SLC35F4: variants seen among roughly 807,000 people sequenced by gnomAD.
SLC35F4 encodes solute carrier family 35 member F4.
Under a neutral mutation model 44.2 loss-of-function variants are expected in SLC35F4, and 24 were observed. The observed-to-expected ratio is 0.54, with a 90% CI of 0.39 to 0.76. The LOEUF (loss-of-function observed/expected upper bound fraction) is 0.76, where lower values mean the gene tolerates loss of function less well. Among genes scored for constraint, SLC35F4 ranks in the 30% least tolerant of loss-of-function variants. The pLI, the probability that SLC35F4 is intolerant of heterozygous loss-of-function variation, is 0.00. For missense variants in SLC35F4, 562 were observed against 586.1 expected, an observed-to-expected ratio of 0.96 and a Z score of 0.42; for synonymous variants, 238 against 223.6, an observed-to-expected ratio of 1.06 and a Z score of -0.57.
upstream of SLC35F4, among the ~76,000 whole-genome samples, chr14:57,871,063 T>G (rs1231083905): frequency 6.6e-6 from 1 of 152,224 alleles, no homozygotes; most frequent in African/African-American, 2.4e-5. Context: ...ACTCAGGTCC[T>G]GCTTGGTGAA....
In SLC35F4 at chr14:57,896,746, G is replaced by A. The variant is rs72624742; in HGVS notation, n.282+85167C>T. On this transcript the variant is annotated intron_variant and non_coding_transcript_variant, in intron 1 of 1. Transcript: ENST00000556568. Reference sequence around the variant, plus strand: ...AAAAATGAGTTAATGCCTGTAAAGTGTTTAGCACAGTGCCAGGAATATAGT... The same window carrying A: ...AAAAATGAGTTAATGCCTGTAAAGTATTTAGCACAGTGCCAGGAATATAGT... Among the ~76,000 whole-genome samples the A allele has an allele frequency of 0.023, 3,473 of 152,256 alleles. 432 individuals carry two copies. The East Asian group carries it at 0.39, about 17-fold the overall frequency.
At chr14:57,972,072 G>C (rs1476967447), downstream of SLC35F4, among the ~76,000 whole-genome samples, 1 of 151,658 alleles carries the variant, frequency 6.6e-6, no homozygotes, top group African/African-American at 2.4e-5. Context: ...ACAGGCAAAG[G>C]AAACAGCATG....
At chr14:57,760,481 C>A (rs115440935) in intron 1 of SLC35F4, among the ~76,000 whole-genome samples, 1 of 152,126 alleles carries the variant, frequency 6.6e-6, no homozygotes, top group Non-Finnish European at 1.5e-5. Flanking sequence ...CAGCTTTGTT[C>A]TGGCTATCCA....
intron 3 of SLC35F4, 120 bp from the exon 4 acceptor site, chr14:57,581,553 G>A: frequency 1.1e-6 from 1 of 870,648 alleles, no homozygotes; most frequent in South Asian, 1.8e-5. Context: ...CCTTCATTGT[G>A]AAGTATACTG....
Position 57,673,899 on chromosome 14 carries a change from T to A in SLC35F4, c.104-79775A>T, listed in dbSNP as rs971530578. Among the ~76,000 whole-genome samples, 4 of 152,030 alleles carry A rather than the reference T, an allele frequency of 2.6e-5. No homozygotes were observed. In the South Asian group the frequency reaches 8.3e-4, roughly 31 times the overall value. Reference sequence around the variant, plus strand: ...TAAGACTACTAATCTAACAAAGCACTGTTATCAAGGATTTAACAAAGAATA... The same window carrying A: ...TAAGACTACTAATCTAACAAAGCACAGTTATCAAGGATTTAACAAAGAATA... On this transcript the variant is annotated intron_variant, in intron 1 of 7. Coordinates refer to ENST00000556826, the MANE Select transcript of SLC35F4 (RefSeq NM_001306087.2).
chr14:57,748,826 T>C (rs1489931882), intron 1 of SLC35F4, among the ~76,000 whole-genome samples: 1 of 152,192 alleles, frequency 6.6e-6, no homozygotes, highest in African/African-American at 2.4e-5. Flanking sequence ...GCCATGTGTA[T>C]AGCTGCATAT....
chr14:57,574,074 C>T (rs1027980790), intron 4 of SLC35F4, among the ~76,000 whole-genome samples: 1 of 152,092 alleles, frequency 6.6e-6, no homozygotes, highest in Non-Finnish European at 1.5e-5. Context: ...AATTAAAAAA[C>T]CCCAAAGCAC....
intron 1 of SLC35F4, among the ~76,000 whole-genome samples, chr14:57,907,348 T>C (rs981900095): frequency 2.0e-5 from 3 of 152,176 alleles, no homozygotes; most frequent in Non-Finnish European, 4.4e-5. Context: ...CATTAAAATG[T>C]TGACTTTGTT....
Position 57,964,199 on chromosome 14 carries a change from G to A in SLC35F4, n.282+17714C>T, listed in dbSNP as rs531811917. On this transcript the variant is annotated intron_variant and non_coding_transcript_variant, in intron 1 of 1. Coordinates refer to the SLC35F4 transcript ENST00000556568. The stretch of plus-strand genomic sequence containing the variant: ...GGAGGAAAGAGCCATGAGGAAGAAA[G>A]AGAGGAAGCTAGCTTGGCTAGCTAG... Among the ~76,000 whole-genome samples the A allele has an allele frequency of 3.9e-4, 59 of 152,326 alleles. 1 individual carries two copies. The South Asian group carries it at 0.011, about 28-fold the overall frequency.
chr14:57,953,463 C>T (rs1039044469), intron 1 of SLC35F4, among the ~76,000 whole-genome samples: 4 of 152,054 alleles, frequency 2.6e-5, no homozygotes, highest in Non-Finnish European at 5.9e-5. Context: ...AGTCTAAATG[C>T]CTTAATTAAA....
intron 1 of SLC35F4, among the ~76,000 whole-genome samples, chr14:57,968,355 G>A (rs992843076): frequency 6.6e-6 from 1 of 152,108 alleles, no homozygotes; most frequent in Non-Finnish European, 1.5e-5. Context: ...TAGAGCTAAC[G>A]CCCATTACAC....
rs199785589 is a variant in SLC35F4 at position 57,578,325 on chromosome 14, G to GTTTTTTTTTTTTTTTTTTT, written c.807+2870_807+2888dup. ...GATGACTGAAAGCATCCCTTTAACT[G>GTTTTTTTTTTTTTTTTTTT]TTTTTTTTTTTTTTTTTTTTTTTTT... is the stretch of plus-strand genomic sequence containing the variant. On this transcript the variant is annotated intron_variant, in intron 4 of 7. Coordinates refer to ENST00000556826, the MANE Select transcript of SLC35F4 (RefSeq NM_001306087.2). Among the ~76,000 whole-genome samples, 52 of 43,166 alleles carry GTTTTTTTTTTTTTTTTTTT rather than the reference G, an allele frequency of 1.2e-3. 18 individuals carry two copies. Among genetic ancestry groups the GTTTTTTTTTTTTTTTTTTT allele is most frequent in the Non-Finnish European group, 2.0e-3 (43 of 21,764 alleles). The allele number at this position is 43,166 out of a possible 152,430, so 28.3% of individuals were successfully genotyped here. A position where few individuals can be genotyped will look rare whatever the true frequency, so the allele number is the denominator to read the frequency against.
At chr14:57,848,405 C>T (rs1885059) in intron 1 of SLC35F4, among the ~76,000 whole-genome samples, 45,233 of 152,064 alleles carry the variant, frequency 0.3, 8,789 homozygotes, top group East Asian at 0.71. Context: ...TATACGCTGC[C>T]CACTGAGGCT....
intron 1 of SLC35F4, among the ~76,000 whole-genome samples, chr14:57,643,345 TTAAG>T (rs1166560755): frequency 1.3e-5 from 2 of 152,034 alleles, no homozygotes; most frequent in South Asian, 2.1e-4. Context: ...TAAACTGACA[TTAAG>T]TAAGAAATAG....
At chr14:57,833,762 T>C (rs1884628256) in intron 1 of SLC35F4, among the ~76,000 whole-genome samples, 1 of 152,260 alleles carries the variant, frequency 6.6e-6, no homozygotes, top group Non-Finnish European at 1.5e-5. Context: ...AGGGTAGCTG[T>C]TGGCATATTT....
intron 1 of SLC35F4, among the ~76,000 whole-genome samples, chr14:57,825,621 T>G (rs180796458): frequency 4.8e-4 from 73 of 152,272 alleles, no homozygotes; most frequent in Non-Finnish European, 9.0e-4. Flanking sequence ...GAAAACCCCA[T>G]CATCTCAGCC....
At chr14:57,642,723 T>C (rs1313490707) in intron 1 of SLC35F4, among the ~76,000 whole-genome samples, 4 of 151,968 alleles carry the variant, frequency 2.6e-5, no homozygotes, top group African/African-American at 9.7e-5. Flanking sequence ...AGTTTTAATG[T>C]TGAAAAAGCA....
chr14:57,710,369 T>G (rs1019095098), intron 1 of SLC35F4, among the ~76,000 whole-genome samples: 2 of 152,194 alleles, frequency 1.3e-5, no homozygotes, highest in Admixed American at 6.5e-5. Flanking sequence ...TAGAAGTTTG[T>G]TGCAGGGGTG....
At chr14:57,769,604 A>G (rs969130586) in intron 1 of SLC35F4, among the ~76,000 whole-genome samples, 1 of 152,232 alleles carries the variant, frequency 6.6e-6, no homozygotes, top group African/African-American at 2.4e-5. Context: ...AGTAAAAATT[A>G]TCATCTCTGA....
Sources: gnomAD v4.1 joint callset for allele counts (sites outside exome capture counted in the v4.1 genomes callset) on GRCh38, gnomAD v4.1.1 for gene constraint, MANE v1.5 for transcripts, NCBI Gene and HGNC (gene_info 2026-07-23, HGNC 2026-07-21) for gene names.